The following FSTL5 variants were observed in gnomAD, a reference collection of about 807,000 sequenced individuals.
FSTL5 encodes the protein follistatin-related protein 5.
Under a neutral mutation model 89.1 loss-of-function variants are expected in FSTL5, and 62 were observed. That is an observed-to-expected ratio of 0.70 (90% CI 0.57 to 0.86). The LOEUF is 0.86. Among genes scored for constraint, FSTL5 ranks in the 40% least tolerant of loss-of-function variants. The probability of loss-of-function intolerance (pLI) is 0.00; values close to 1 mark genes in which losing one functional copy is unlikely to be tolerated. For synonymous variants in FSTL5, 383 were observed against 346.2 expected (o/e 1.11, Z -1.18); for missense variants, 1,057 against 1,001.6 (o/e 1.06, Z -0.75).
At chr4:161,524,584 C>T (rs965528853) in intron 10 of FSTL5, among the ~76,000 whole-genome samples, 1 of 151,980 alleles carries the variant, frequency 6.6e-6, no homozygotes, top group Non-Finnish European at 1.5e-5. Context: ...TCAGATTCTA[C>T]GTCACAATGC....
chr4:161,484,637 T>C (rs552087882), intron 12 of FSTL5, among the ~76,000 whole-genome samples: 4 of 152,310 alleles, frequency 2.6e-5, no homozygotes, highest in African/African-American at 9.6e-5. Context: ...TTTCATGACA[T>C]CATCTCTTTT....
chr4:161,613,373 C>T (rs999908695), intron 7 of FSTL5, among the ~76,000 whole-genome samples: 7 of 151,736 alleles, frequency 4.6e-5, no homozygotes, highest in African/African-American at 1.7e-4. Flanking sequence ...TTGCTTGAAC[C>T]CAGGAGGCGG....
chr4:162,139,419 A>G (rs1303558303), intron 1 of FSTL5, among the ~76,000 whole-genome samples: 2 of 151,842 alleles, frequency 1.3e-5, no homozygotes, highest in African/African-American at 4.8e-5. Flanking sequence ...TTCAAACCAT[A>G]TTTCAAGACA....
intron 4 of FSTL5, among the ~76,000 whole-genome samples, chr4:161,810,347 C>G (rs1730099602): frequency 6.6e-6 from 1 of 151,680 alleles, no homozygotes; most frequent in Non-Finnish European, 1.5e-5. Flanking sequence ...GTTTTAAGGT[C>G]AGTGATGAGT....
chr4:161,911,109 A>G (rs1292077584), intron 4 of FSTL5, among the ~76,000 whole-genome samples: 2 of 152,150 alleles, frequency 1.3e-5, no homozygotes, highest in African/African-American at 4.8e-5. Flanking sequence ...CACTTTGTAT[A>G]TTACATCTCT....
chr4:161,412,651 TAAAAC>T (rs969365095), intron 15 of FSTL5, among the ~76,000 whole-genome samples: 2 of 152,144 alleles, frequency 1.3e-5, no homozygotes, highest in African/African-American at 2.4e-5. Flanking sequence ...AAGTATAATT[TAAAAC>T]AAAACAAAAC....
chr4:161,655,637 G>A (rs142743077), intron 7 of FSTL5, among the ~76,000 whole-genome samples: 2 of 152,160 alleles, frequency 1.3e-5, no homozygotes, highest in Middle Eastern at 3.4e-3. Flanking sequence ...ATATCTATTA[G>A]AAGTAAGTCT....
chr4:161,418,402 C>T (rs1195150770), intron 15 of FSTL5, among the ~76,000 whole-genome samples: 1 of 152,160 alleles, frequency 6.6e-6, no homozygotes, highest in Non-Finnish European at 1.5e-5. Flanking sequence ...CAAAAGCACT[C>T]AGCGAGCCCA....
rs1560957460 is a variant in FSTL5 at position 161,992,882 on chromosome 4, A to ATATGTG, written c.160+40742_160+40743insCACATA. Among the ~76,000 whole-genome samples, 61 of 19,962 alleles carry ATATGTG rather than the reference A, an allele frequency of 3.1e-3. 1 individual carries two copies. Among genetic ancestry groups the ATATGTG allele is most frequent in the African/African-American group, 7.1e-3 (56 of 7,860 alleles). 13.1% of individuals were successfully genotyped at this position (19,962 alleles called of 152,430 possible). ...AAAAAATATATATATATATATATAT[A>ATATGTG]TATATATATATATATGTGTGTGTAT... is the stretch of plus-strand genomic sequence containing the variant. On this transcript the variant is annotated intron_variant, in intron 3 of 15. Coordinates refer to ENST00000306100, the MANE Select transcript of FSTL5 (RefSeq NM_020116.5).
At chr4:161,744,160 T>C (rs1299790399) in intron 6 of FSTL5, among the ~76,000 whole-genome samples, 1 of 152,082 alleles carries the variant, frequency 6.6e-6, no homozygotes, top group Admixed American at 6.6e-5. Flanking sequence ...ACTGAACGTA[T>C]GTATGGTCAG....
chr4:161,537,407 G>C (rs1268133755), intron 10 of FSTL5, among the ~76,000 whole-genome samples: 2 of 152,134 alleles, frequency 1.3e-5, no homozygotes, highest in Non-Finnish European at 2.9e-5. Context: ...TGTATACCAA[G>C]GGAATAAAAT....
chr4:161,898,025 G>A (rs1028442067), intron 4 of FSTL5, among the ~76,000 whole-genome samples: 2 of 150,208 alleles, frequency 1.3e-5, no homozygotes. Flanking sequence ...TGAATGTAAG[G>A]TCTCTCCATT....
At position 162,050,075 on chromosome 4, in the gene FSTL5, C is replaced by T. The variant is rs11100408; in HGVS notation, c.127-16417G>A. Among the ~76,000 whole-genome samples the T allele has an allele frequency of 2.6e-5, 4 of 151,692 alleles. No homozygotes were observed. In the South Asian group the frequency reaches 8.3e-4, roughly 32 times the overall value. ...TTAAGTAGCAGATCCATTAACAGTT[C>T]ATAAGAACTCCAGAAAAATAGAAAC... is the stretch of plus-strand genomic sequence containing the variant. On this transcript the variant is annotated intron_variant, in intron 2 of 15. Coordinates refer to ENST00000306100, the MANE Select transcript of FSTL5 (RefSeq NM_020116.5).
chr4:161,691,232 G>T (rs1737931341), intron 6 of FSTL5, among the ~76,000 whole-genome samples: 1 of 151,762 alleles, frequency 6.6e-6, no homozygotes, highest in Non-Finnish European at 1.5e-5. Flanking sequence ...AATAGGTAGG[G>T]TATTCAACTT....
intron 3 of FSTL5, among the ~76,000 whole-genome samples, chr4:161,929,719 G>A (rs1234025077): frequency 2.7e-5 from 4 of 147,478 alleles, no homozygotes; most frequent in African/African-American, 1.0e-4. Flanking sequence ...TTTAAACTTG[G>A]AAATTATAGC....
rs989786769 is a variant in FSTL5, at chr4:161,713,317, G to C, written c.727+46094C>G. ...TGTGCTGGCTACTGCATAAACAATGGAGGTGTCTAGAAGAGTGTTTCCCAG... is the reference window on the plus strand; with the variant it reads ...TGTGCTGGCTACTGCATAAACAATGCAGGTGTCTAGAAGAGTGTTTCCCAG... On this transcript the variant is annotated intron_variant, in intron 6 of 15. Transcript: ENST00000306100. Among the ~76,000 whole-genome samples the C allele has an allele frequency of 7.9e-5, 12 of 152,298 alleles. No homozygotes were observed. In the East Asian group the frequency reaches 2.3e-3, roughly 29 times the overall value.
At chr4:162,076,505 G>T (rs1195774376) in intron 2 of FSTL5, among the ~76,000 whole-genome samples, 3 of 151,796 alleles carry the variant, frequency 2.0e-5, no homozygotes, top group Non-Finnish European at 4.4e-5. Flanking sequence ...TTTGATTTGG[G>T]ATTTCTCAGC....
intron 6 of FSTL5, among the ~76,000 whole-genome samples, chr4:161,753,116 C>T (rs1475896402): frequency 6.6e-6 from 1 of 152,188 alleles, no homozygotes; most frequent in African/African-American, 2.4e-5. Flanking sequence ...ACTTGCTCAT[C>T]TTGAATGACC....
chr4:161,415,821 GATATATATAT>G lies in FSTL5; in HGVS notation c.1842-29382_1842-29373del, dbSNP rs60018441. On this transcript the variant is annotated intron_variant, in intron 15 of 15. Transcript: ENST00000306100. ...ACATATATATATCATACATATAGGG[GATATATATAT>G]ATATATATATATATATATCATTTCA... Among the ~76,000 whole-genome samples the G allele has an allele frequency of 1.6e-3, 228 of 139,704 alleles. 1 individual carries two copies. Among genetic ancestry groups the G allele is most frequent in the African/African-American group, 4.3e-3 (163 of 37,876 alleles). The allele number at this position is 139,704 out of a possible 152,430, so 91.7% of individuals were successfully genotyped here. A position where few individuals can be genotyped will look rare whatever the true frequency, so the allele number is the denominator to read the frequency against.
Sources: gnomAD v4.1 joint callset for allele counts (sites outside exome capture counted in the v4.1 genomes callset) on GRCh38, gnomAD v4.1.1 for gene constraint, MANE v1.5 for transcripts, NCBI Gene and HGNC (gene_info 2026-07-23, HGNC 2026-07-21) for gene names.